Variants in SPOPL observed in about 807,000 individuals in gnomAD.
SPOPL encodes the protein speckle type BTB/POZ protein like, also known as speckle-type POZ protein-like.
In SPOPL, 23 loss-of-function variants were observed where a neutral mutation model predicts 53.8. That is an observed-to-expected ratio of 0.43 (90% CI 0.31 to 0.61). The LOEUF (loss-of-function observed/expected upper bound fraction) is 0.61, where lower values mean the gene tolerates loss of function less well. Among genes scored for constraint, SPOPL ranks in the 20% least tolerant of loss-of-function variants. SPOPL has a pLI of 0.12. For missense variants in SPOPL, 442 were observed against 466.9 expected (o/e 0.95, Z 0.49); for synonymous variants, 164 against 149.7 (o/e 1.10, Z -0.70).
At chr2:138,541,436 A>C (rs984769633) in intron 1 of SPOPL, among the ~76,000 whole-genome samples, 1 of 152,170 alleles carries the variant, frequency 6.6e-6, no homozygotes. Flanking sequence ...TTATTGGTCT[A>C]TTCAGAGATT....
At chr2:138,547,256 G>C (rs186892736) in intron 1 of SPOPL, among the ~76,000 whole-genome samples, 1 of 152,268 alleles carries the variant, frequency 6.6e-6, no homozygotes, top group African/African-American at 2.4e-5. Flanking sequence ...GTGAGCCACC[G>C]TGCCTGACTG....
chr2:138,543,365 G>C (rs1461377442), intron 1 of SPOPL, among the ~76,000 whole-genome samples: 1 of 152,152 alleles, frequency 6.6e-6, no homozygotes, highest in African/African-American at 2.4e-5. Context: ...ATCACTTTCA[G>C]GTACACCAAT....
intron 1 of SPOPL, among the ~76,000 whole-genome samples, chr2:138,532,562 G>A (rs1377210237): frequency 4.0e-5 from 6 of 149,622 alleles, no homozygotes; most frequent in African/African-American, 1.5e-4. Context: ...GAGTAGCTGG[G>A]ACTACAGGCG....
intron 5 of SPOPL, among the ~76,000 whole-genome samples, chr2:138,555,895 T>G (rs1354688749): frequency 6.6e-6 from 1 of 152,154 alleles, no homozygotes; most frequent in Non-Finnish European, 1.5e-5. Flanking sequence ...TTTTTTTTTT[T>G]GAAAGAAGCA....
intron 8 of SPOPL, among the ~76,000 whole-genome samples, chr2:138,563,845 C>T (rs895506564): frequency 2.0e-5 from 3 of 152,094 alleles, no homozygotes; most frequent in Admixed American, 2.0e-4. Context: ...TTTGTAACAG[C>T]CAAGAACTGG....
intron 1 of SPOPL, among the ~76,000 whole-genome samples, chr2:138,505,415 T>C (rs985599225): frequency 1.3e-5 from 2 of 151,884 alleles, no homozygotes. Context: ...GGAAAGAGAT[T>C]ACTTGTATTC....
At chr2:138,529,535 T>TGCGCGCGC (rs1553469117) in intron 1 of SPOPL, among the ~76,000 whole-genome samples, 56 of 103,300 alleles carry the variant, frequency 5.4e-4, no homozygotes, top group South Asian at 9.6e-4. Flanking sequence ...TGTGTGTGTG[T>TGCGCGCGC]TTGCGTGCGC....
chr2:138,537,192 A>C (rs1334916071), intron 1 of SPOPL, among the ~76,000 whole-genome samples: 1 of 152,142 alleles, frequency 6.6e-6, no homozygotes, highest in East Asian at 1.9e-4. Context: ...TCAGACACCG[A>C]GTTGAGGAAG....
intron 1 of SPOPL, among the ~76,000 whole-genome samples, chr2:138,521,453 T>A (rs973694629): frequency 6.6e-6 from 1 of 152,120 alleles, no homozygotes; most frequent in Admixed American, 6.5e-5. Context: ...GATTTCTTGC[T>A]TTTAATCTTT....
At chr2:138,529,431 A>G (rs1558867402) in intron 1 of SPOPL, among the ~76,000 whole-genome samples, 2 of 151,498 alleles carry the variant, frequency 1.3e-5, no homozygotes, top group South Asian at 2.1e-4. Flanking sequence ...TCCATATTGT[A>G]CTTCATTGTT....
chr2:138,550,186 A>G lies in SPOPL; in HGVS notation c.-31A>G, dbSNP rs776881537. The G allele has an allele frequency of 6.2e-6, 10 of 1,607,480 alleles. No homozygotes were observed. Among genetic ancestry groups the G allele is most frequent in the Non-Finnish European group, 7.7e-6 (9 of 1,174,750 alleles). On this transcript the variant is annotated 5_prime_UTR_variant, in exon 2 of 11. Coordinates refer to ENST00000280098, the MANE Select transcript of SPOPL (RefSeq NM_001001664.3). ...GGTACTCAACTGTGTGGGGTACTAC[A>G]TAAATCCTGAAAGACTACAATAAAG... is the stretch of plus-strand genomic sequence containing the variant.
rs190409814 is a variant in SPOPL, at chr2:138,512,596, A to G, written c.-61+10477A>G. 2.6e-5 allele frequency among the ~76,000 whole-genome samples: 4 copies of G among 152,314 alleles called. No homozygotes were observed. The East Asian group carries it at 7.7e-4, about 29-fold the overall frequency. On this transcript the variant is annotated intron_variant, in intron 1 of 10. Transcript: ENST00000280098. ...TCACCTTGAGATTTAAAATCTTGTCATCTTGCTGAACCACAGTTCTATAAA... is the reference window on the plus strand; with the variant it reads ...TCACCTTGAGATTTAAAATCTTGTCGTCTTGCTGAACCACAGTTCTATAAA...
chr2:138,558,393 A>G (rs962828673), intron 5 of SPOPL, among the ~76,000 whole-genome samples: 4 of 152,172 alleles, frequency 2.6e-5, no homozygotes, highest in African/African-American at 7.2e-5. Flanking sequence ...TTGATCTTCC[A>G]TAAAAGATTT....
chr2:138,569,581 CT>C lies in SPOPL; in HGVS notation c.*503del, dbSNP rs1351214199. ...AGTTCTATAAATATGGGAGAACCCTCTTACCTTCAAGGTAAGTTATGGCAAT... is the reference window on the plus strand; with the variant it reads ...AGTTCTATAAATATGGGAGAACCCTCTACCTTCAAGGTAAGTTATGGCAAT... On this transcript the variant is annotated 3_prime_UTR_variant, in exon 11 of 11. Transcript: ENST00000280098. The C allele has an allele frequency of 2.6e-5, 4 of 152,324 alleles. No homozygotes were observed. Among genetic ancestry groups the C allele is most frequent in the Non-Finnish European group, 5.9e-5 (4 of 68,090 alleles). 9.4% of individuals were successfully genotyped at this position (152,324 alleles called of 1,614,324 possible).
intron 5 of SPOPL, among the ~76,000 whole-genome samples, chr2:138,555,230 GGTT>G (rs1000225915): frequency 6.6e-6 from 1 of 151,512 alleles, no homozygotes; most frequent in African/African-American, 2.4e-5. Context: ...CCATTCATGA[GGTT>G]AGAGTCCTCA....
At chr2:138,507,803 G>A (rs926369274) in intron 1 of SPOPL, among the ~76,000 whole-genome samples, 3 of 152,030 alleles carry the variant, frequency 2.0e-5, no homozygotes, top group Non-Finnish European at 4.4e-5. Context: ...ATATCTTTAA[G>A]AATTAAATAT....
chr2:138,519,713 G>GTC (rs560540874), intron 1 of SPOPL, among the ~76,000 whole-genome samples: 6 of 152,144 alleles, frequency 3.9e-5, no homozygotes, highest in Non-Finnish European at 8.8e-5. Flanking sequence ...AAGATTGCTT[G>GTC]TCTGGGAGGT....
At chr2:138,533,619 A>C (rs540509924) in intron 1 of SPOPL, among the ~76,000 whole-genome samples, 9 of 152,058 alleles carry the variant, frequency 5.9e-5, no homozygotes, top group Non-Finnish European at 1.3e-4. Context: ...CACCTTTATA[A>C]ACACTTATTA....
chr2:138,550,343 A>G (rs1478501621), intron 2 of SPOPL, 49 bp downstream of exon 2: 7 of 1,606,442 alleles, frequency 4.4e-6, no homozygotes. Context: ...TAAATTTTAC[A>G]GTATGTTGAG....
Sources: gnomAD v4.1 joint callset for allele counts (sites outside exome capture counted in the v4.1 genomes callset) on GRCh38, gnomAD v4.1.1 for gene constraint, MANE v1.5 for transcripts, NCBI Gene and HGNC (gene_info 2026-07-23, HGNC 2026-07-21) for gene names.